OTUD7A: variants seen among roughly 807,000 people sequenced by gnomAD.
OTUD7A encodes the protein OTU domain-containing protein 7A.
In OTUD7A, 12 loss-of-function variants were observed where a neutral mutation model predicts 65.7. The ratio of observed to expected loss-of-function variants is 0.18; its 90% CI spans 0.12 to 0.30. The LOEUF is 0.30. Ranked by LOEUF, OTUD7A falls within the 10% of genes least tolerant of loss-of-function variation. The probability of loss-of-function intolerance (pLI) is 1.00; values close to 1 mark genes in which losing one functional copy is unlikely to be tolerated. For missense variants in OTUD7A, 1,148 were observed against 1,304.8 expected, an observed-to-expected ratio of 0.88 and a Z score of 1.85; for synonymous variants, 641 against 586.3, an observed-to-expected ratio of 1.09 and a Z score of -1.35.
Position 31,816,074 on chromosome 15 carries a change from C to T in OTUD7A, c.-100+54433G>A, listed in dbSNP as rs545200025. 2.1e-4 allele frequency among the ~76,000 whole-genome samples: 32 copies of T among 152,328 alleles called. No individual in the cohort carries two copies. In the South Asian group the frequency reaches 5.4e-3, roughly 26 times the overall value. ...GGCCTCCAGGAAAAAAACCACTGAA[C>T]GAGTGAAGCATTGCCTGCTCTGGGC... On this transcript the variant is annotated intron_variant, in intron 1 of 12. Transcript: ENST00000307050.
chr15:31,478,543 T>A lies in OTUD7A; in HGVS notation c.*4751A>T, dbSNP rs1566873594. ...ACATTACTAGCATGGTTGGAGATGA[T>A]GGCTTCAGTGCTACTCTGCAACTAC... On this transcript the variant is annotated 3_prime_UTR_variant, in exon 13 of 13. Transcript: ENST00000307050. 1 of 152,224 alleles carries A rather than the reference T, an allele frequency of 6.6e-6. No homozygotes were observed. The highest frequency in any genetic ancestry group is 1.5e-5 in the Non-Finnish European group (1 of 68,036). The allele number at this position is 152,224 out of a possible 1,614,324, so 9.4% of individuals were successfully genotyped here. A position where few individuals can be genotyped will look rare whatever the true frequency, so the allele number is the denominator to read the frequency against.
intron 1 of OTUD7A, among the ~76,000 whole-genome samples, chr15:31,723,243 A>T (rs1350596497): frequency 6.6e-6 from 1 of 151,964 alleles, no homozygotes; most frequent in Non-Finnish European, 1.5e-5. Flanking sequence ...CCAGCCAACT[A>T]CTCAGCTGAT....
Position 31,479,652 on chromosome 15 carries a change from GAC to G in OTUD7A, c.*3640_*3641del, listed in dbSNP as rs1315428355. 9.3e-6 allele frequency: 1 copy of G among 107,712 alleles called. No individual in the cohort carries two copies. The highest frequency in any genetic ancestry group is 2.0e-5 in the Non-Finnish European group (1 of 51,068). 6.7% of individuals were successfully genotyped at this position (107,712 alleles called of 1,614,324 possible). A position where few individuals can be genotyped will look rare whatever the true frequency, so the allele number is the denominator to read the frequency against. ...GAATAGTTCGCAAAATAAGTTTGTG[GAC>G]ACTAAGTGGGGGGGGGGGGTGATGG... is the stretch of plus-strand genomic sequence containing the variant. On this transcript the variant is annotated 3_prime_UTR_variant, in exon 13 of 13. Transcript: ENST00000307050.
At chr15:31,625,509 A>T (rs551200299) in intron 3 of OTUD7A, among the ~76,000 whole-genome samples, 21 of 152,312 alleles carry the variant, frequency 1.4e-4, no homozygotes, top group Non-Finnish European at 2.4e-4. Context: ...AAGATGATGG[A>T]GCAAGCAGGA....
At chr15:31,865,225 C>T (rs1410759266) in intron 1 of OTUD7A, among the ~76,000 whole-genome samples, 1 of 152,192 alleles carries the variant, frequency 6.6e-6, no homozygotes. Flanking sequence ...GGATGTCAAA[C>T]AATTTTTGTA....
chr15:31,666,639 G>A (rs1383648660), intron 1 of OTUD7A, among the ~76,000 whole-genome samples: 3 of 151,788 alleles, frequency 2.0e-5, no homozygotes, highest in Admixed American at 1.3e-4. Flanking sequence ...ATTTAGTTCT[G>A]CTCTGATCTT....
At chr15:31,687,973 T>C (rs1356110335) in intron 1 of OTUD7A, among the ~76,000 whole-genome samples, 3 of 152,074 alleles carry the variant, frequency 2.0e-5, no homozygotes, top group African/African-American at 7.2e-5. Flanking sequence ...CGCAGCACTT[T>C]TAGAGGTCAA....
chr15:31,755,584 T>A (rs967091574), intron 1 of OTUD7A, among the ~76,000 whole-genome samples: 1 of 152,112 alleles, frequency 6.6e-6, no homozygotes, highest in Non-Finnish European at 1.5e-5. Flanking sequence ...TAGCCAGGCG[T>A]GCTGGCGGGC....
intron 3 of OTUD7A, among the ~76,000 whole-genome samples, chr15:31,643,531 C>T (rs1368251323): frequency 6.6e-6 from 1 of 152,134 alleles, no homozygotes; most frequent in African/African-American, 2.4e-5. Context: ...TCAGTATGTA[C>T]CTTATTCTAT....
At chr15:31,688,777 TC>T (rs1257566760) in intron 1 of OTUD7A, among the ~76,000 whole-genome samples, 4 of 150,870 alleles carry the variant, frequency 2.7e-5, no homozygotes, top group African/African-American at 9.7e-5. Context: ...CCTGTGTGTG[TC>T]TGTTTGTGTA....
chr15:31,825,394 A>C (rs1357108931), intron 1 of OTUD7A, among the ~76,000 whole-genome samples: 1 of 152,156 alleles, frequency 6.6e-6, no homozygotes, highest in Non-Finnish European at 1.5e-5. Flanking sequence ...AAAAGTGGAA[A>C]CCCCTGATAA....
chr15:31,794,659 T>C (rs1567026391), intron 1 of OTUD7A, among the ~76,000 whole-genome samples: 1 of 150,358 alleles, frequency 6.7e-6, no homozygotes, highest in Admixed American at 6.6e-5. Flanking sequence ...CCTAACTTTA[T>C]GGGACTTACA....
chr15:31,739,494 T>G (rs1163473092), intron 1 of OTUD7A, among the ~76,000 whole-genome samples: 1 of 152,210 alleles, frequency 6.6e-6, no homozygotes, highest in Non-Finnish European at 1.5e-5. Flanking sequence ...AATATGCACG[T>G]TGCCATTTCT....
chr15:31,622,928 A>T (rs12917418), intron 3 of OTUD7A, among the ~76,000 whole-genome samples: 43,620 of 152,050 alleles, frequency 0.29, 7,393 homozygotes, highest in African/African-American at 0.47. Flanking sequence ...ATGGTGACGT[A>T]CAGATGGGGT....
At chr15:31,709,812 G>A (rs945732290) in intron 1 of OTUD7A, among the ~76,000 whole-genome samples, 1 of 151,848 alleles carries the variant, frequency 6.6e-6, no homozygotes, top group Admixed American at 6.6e-5. Flanking sequence ...AAATATATGT[G>A]TATATATATA....
chr15:31,710,878 G>C (rs1893426556), intron 1 of OTUD7A, among the ~76,000 whole-genome samples: 1 of 152,102 alleles, frequency 6.6e-6, no homozygotes, highest in Admixed American at 6.5e-5. Flanking sequence ...CTTGGGGTAG[G>C]GGAGTCTTTC....
chr15:31,670,071 T>C lies in OTUD7A; in HGVS notation c.-99-12994A>G, dbSNP rs576437027. ...GGGTCCTCTCAGGACTGCTGGTTTG[T>C]TCTTGCAGTCGATCTGGAGCTAAAA... On this transcript the variant is annotated intron_variant, in intron 1 of 12. Coordinates refer to ENST00000307050, the MANE Select transcript of OTUD7A (RefSeq NM_001382637.1). 6.5e-3 allele frequency among the ~76,000 whole-genome samples: 950 copies of C among 146,112 alleles called. 8 individuals are homozygous for C. Among genetic ancestry groups the C allele is most frequent in the African/African-American group, 0.025 (909 of 36,918 alleles).
chr15:31,865,025 G>GC (rs869116228), intron 1 of OTUD7A, among the ~76,000 whole-genome samples: 6 of 98,558 alleles, frequency 6.1e-5, no homozygotes, highest in African/African-American at 1.3e-4. Flanking sequence ...TGCCCTTGTG[G>GC]CCCCCCCCTG....
At chr15:31,667,747 C>T (rs941161793) in intron 1 of OTUD7A, among the ~76,000 whole-genome samples, 5 of 151,862 alleles carry the variant, frequency 3.3e-5, no homozygotes, top group African/African-American at 9.7e-5. Context: ...TTATAGGTCC[C>T]GTGTGATTTA....
Sources: gnomAD v4.1 joint callset for allele counts (sites outside exome capture counted in the v4.1 genomes callset) on GRCh38, gnomAD v4.1.1 for gene constraint, MANE v1.5 for transcripts, NCBI Gene and HGNC (gene_info 2026-07-23, HGNC 2026-07-21) for gene names.